The following PAK5 variants were observed in gnomAD, a reference collection of about 807,000 sequenced individuals.
The protein encoded by PAK5 is p21 (RAC1) activated kinase 5, also known as serine/threonine-protein kinase PAK 5.
In PAK5, 16 loss-of-function variants were observed where a neutral mutation model predicts 65.9. The ratio of observed to expected loss-of-function variants is 0.24; its 90% CI spans 0.16 to 0.37. The LOEUF is 0.37. PAK5 is among the 10% of genes least tolerant of loss of function. The pLI, the probability that PAK5 is intolerant of heterozygous loss-of-function variation, is 1.00. For synonymous variants in PAK5, 371 were observed against 354.9 expected (o/e 1.05, Z -0.51); for missense variants, 785 against 903.9 (o/e 0.87, Z 1.69).
At chr20:9,759,890 C>T (rs1214415629) in intron 1 of PAK5, among the ~76,000 whole-genome samples, 1 of 152,172 alleles carries the variant, frequency 6.6e-6, no homozygotes, top group Non-Finnish European at 1.5e-5. Flanking sequence ...TACCAACCAT[C>T]TCATTCTCTA....
chr20:9,694,710 T>A (rs1373251620), intron 2 of PAK5, among the ~76,000 whole-genome samples: 1 of 152,054 alleles, frequency 6.6e-6, no homozygotes, highest in East Asian at 1.9e-4. Flanking sequence ...TGAGATTAAT[T>A]CATGTCGTGA....
intron 4 of PAK5, among the ~76,000 whole-genome samples, chr20:9,579,110 A>C (rs1413404959): frequency 6.6e-6 from 1 of 152,186 alleles, no homozygotes; most frequent in African/African-American, 2.4e-5. Flanking sequence ...ATAATCAATA[A>C]ATCAGGTGAA....
intron 1 of PAK5, among the ~76,000 whole-genome samples, chr20:9,834,058 C>T (rs221015): frequency 0.71 from 108,223 of 152,078 alleles, 38,695 homozygotes; most frequent in Middle Eastern, 0.87. Context: ...TTCCTTTAGG[C>T]TTTAATTGAT....
chr20:9,787,473 A>G lies in PAK5; in HGVS notation c.-162+51289T>C, dbSNP rs138578323. Among the ~76,000 whole-genome samples, 53 of 152,274 alleles carry G rather than the reference A, an allele frequency of 3.5e-4. No homozygotes were observed. In the East Asian group the frequency reaches 9.6e-3, roughly 28 times the overall value. Reference sequence around the variant, plus strand: ...AATACAGCTTCAGTCATCCTTAAGCATTCCCTGGGCTTCTTATTTTATATT... The same window carrying G: ...AATACAGCTTCAGTCATCCTTAAGCGTTCCCTGGGCTTCTTATTTTATATT... On this transcript the variant is annotated intron_variant, in intron 1 of 9. Coordinates refer to ENST00000353224, the MANE Select transcript of PAK5 (RefSeq NM_177990.4).
At chr20:9,588,856 C>G (rs1053880866) in intron 3 of PAK5, among the ~76,000 whole-genome samples, 8 of 152,282 alleles carry the variant, frequency 5.3e-5, no homozygotes, top group Non-Finnish European at 1.5e-5. Flanking sequence ...GTACCCTGGA[C>G]CAGCTCAGCA....
intron 2 of PAK5, among the ~76,000 whole-genome samples, chr20:9,698,954 A>T (rs1277369856): frequency 6.6e-6 from 1 of 152,188 alleles, no homozygotes; most frequent in African/African-American, 2.4e-5. Flanking sequence ...TTCCTGCACT[A>T]TAAATAAGCA....
At chr20:9,560,730 T>C (rs1160408586) in intron 6 of PAK5, among the ~76,000 whole-genome samples, 1 of 152,204 alleles carries the variant, frequency 6.6e-6, no homozygotes, top group Non-Finnish European at 1.5e-5. Context: ...ATCTGCCTCA[T>C]AGAAATATGT....
intron 3 of PAK5, among the ~76,000 whole-genome samples, chr20:9,596,942 C>A (rs1003218746): frequency 6.6e-6 from 1 of 152,202 alleles, no homozygotes; most frequent in Non-Finnish European, 1.5e-5. Context: ...GAATTTCTAA[C>A]AAGCTCTTAG....
intron 2 of PAK5, among the ~76,000 whole-genome samples, chr20:9,687,502 CCTACCAAAAATATTA>C (rs2047735013): frequency 6.6e-6 from 1 of 152,152 alleles, no homozygotes; most frequent in Non-Finnish European, 1.5e-5. Context: ...TCCTTCACTG[CCTACCAAAAATATTA>C]CTTTACATGA....
At chr20:9,790,624 C>A (rs13038607) in intron 1 of PAK5, among the ~76,000 whole-genome samples, 13,599 of 152,008 alleles carry the variant, frequency 0.089, 1,094 homozygotes, top group African/African-American at 0.2. Flanking sequence ...TCCCACCTCA[C>A]CCTCCTTAGT....
intron 2 of PAK5, among the ~76,000 whole-genome samples, chr20:9,675,758 G>A (rs6118695): frequency 0.19 from 28,542 of 152,100 alleles, 2,920 homozygotes; most frequent in East Asian, 0.36. Context: ...AAAGAAGAAA[G>A]GCAAACTATA....
chr20:9,792,799 G>C (rs922087616), intron 1 of PAK5, among the ~76,000 whole-genome samples: 8 of 152,112 alleles, frequency 5.3e-5, no homozygotes, highest in Non-Finnish European at 1.5e-5. Flanking sequence ...CTAGGTTACA[G>C]GAGATATATT....
intron 1 of PAK5, among the ~76,000 whole-genome samples, chr20:9,787,745 G>C (rs1031813651): frequency 6.6e-6 from 1 of 151,912 alleles, no homozygotes; most frequent in Admixed American, 6.6e-5. Flanking sequence ...GTGCAGATTT[G>C]GGAATAGATA....
At chr20:9,715,912 G>T in intron 1 of PAK5, among the ~76,000 whole-genome samples, 1 of 134,910 alleles carries the variant, frequency 7.4e-6, no homozygotes, top group African/African-American at 2.7e-5. Context: ...TGGGGGAGGG[G>T]GGAGGGATAG....
chr20:9,573,444 C>A (rs894496339), intron 4 of PAK5, among the ~76,000 whole-genome samples: 3 of 152,156 alleles, frequency 2.0e-5, no homozygotes, highest in African/African-American at 7.2e-5. Context: ...GCATAAAACT[C>A]CACACAGCTA....
At position 9,580,844 on chromosome 20, in the gene PAK5, G is replaced by C; in HGVS notation, c.291C>G (p.Ser97=). The C allele has an allele frequency of 6.2e-7, 1 of 1,613,682 alleles. No homozygotes were observed. Among genetic ancestry groups the C allele is most frequent in the Admixed American group, 1.7e-5 (1 of 59,990 alleles). ...GTGGGCTTTCTTTCCTTAGGGAGTT[G>C]GAGCGAGTCACCGAGATGTTGTCAA... ...EDFDNISVTR[S]NSLRKESPPT... is the part of the protein sequence containing the mutation. The change falls in exon 4 of 10, where the codon TCC becomes TCG. Residue 97 remains serine (S), a synonymous_variant. Transcript: ENST00000353224.
At chr20:9,611,134 C>A (rs922957171) in intron 3 of PAK5, among the ~76,000 whole-genome samples, 2 of 152,216 alleles carry the variant, frequency 1.3e-5, no homozygotes, top group East Asian at 3.8e-4. Context: ...CCAAGATATT[C>A]ATCTCCAATG....
At chr20:9,584,406 G>A (rs1308817549) in intron 3 of PAK5, among the ~76,000 whole-genome samples, 2 of 152,082 alleles carry the variant, frequency 1.3e-5, no homozygotes, top group Admixed American at 6.5e-5. Context: ...TCCGCCTCCC[G>A]GGTTCAAGTA....
intron 1 of PAK5, among the ~76,000 whole-genome samples, chr20:9,795,873 A>G (rs2123725549): frequency 6.6e-6 from 1 of 152,208 alleles, no homozygotes; most frequent in Middle Eastern, 3.4e-3. Flanking sequence ...TACTTAAGAA[A>G]AATGGTATTA....
Sources: allele counts gnomAD v4.1 joint callset (sites outside exome capture counted in the v4.1 genomes callset), GRCh38; gene constraint gnomAD v4.1.1; transcripts MANE v1.5; gene names NCBI Gene and HGNC (gene_info 2026-07-23, HGNC 2026-07-21).